SLC30A6: variants seen among roughly 807,000 people sequenced by gnomAD.
SLC30A6 encodes solute carrier family 30 member 6.
Under a neutral mutation model 63.0 loss-of-function variants are expected in SLC30A6, and 55 were observed. That is an observed-to-expected ratio of 0.87 (90% CI 0.70 to 1.09). SLC30A6 has a LOEUF of 1.09. Among genes scored for constraint, SLC30A6 ranks in the 50% least tolerant of loss-of-function variants. The pLI, the probability that SLC30A6 is intolerant of heterozygous loss-of-function variation, is 0.00. For synonymous variants in SLC30A6, 224 were observed against 186.1 expected (o/e 1.20, Z -1.66); for missense variants, 587 against 549.2 (o/e 1.07, Z -0.69).
intron 4 of SLC30A6, among the ~76,000 whole-genome samples, 188 bp downstream of exon 4, chr2:32,175,549 C>T (rs1422457494): frequency 3.3e-5 from 5 of 151,960 alleles, no homozygotes; most frequent in Non-Finnish European, 7.4e-5. Flanking sequence ...ATGAAATGTC[C>T]AAAACAGGCA....
Position 32,193,909 on chromosome 2 carries a change from C to T in SLC30A6, c.422C>T (p.Thr141Ile). The T allele has an allele frequency of 3.7e-6, 6 of 1,613,208 alleles. No individual in the cohort carries two copies. The highest frequency in any genetic ancestry group is 5.1e-6 in the Non-Finnish European group (6 of 1,179,528). Reference protein sequence around the residue: ...EIHTGRLLVGTFVALCFNLFT... With the variant: ...EIHTGRLLVGIFVALCFNLFT... The stretch of plus-strand genomic sequence containing the variant: ...TTTAGGGGAAGATTATTAGTTGGTA[C>T]TTTTGTGGCTCTTTGTTTCAACCTG... Residue 141 changes from threonine to isoleucine, a missense_variant, in exon 8 of 14, where the codon ACT becomes ATT. Thr to Ile is a moderately conservative substitution (Grantham distance 89). Transcript: ENST00000282587.
Position 32,174,548 on chromosome 2 carries a change from A to ATTTTTTT in SLC30A6, c.175+419_175+425dup, listed in dbSNP as rs11432136. Among the ~76,000 whole-genome samples the ATTTTTTT allele has an allele frequency of 7.7e-4, 71 of 92,302 alleles. 2 individuals are homozygous for ATTTTTTT. Among genetic ancestry groups the ATTTTTTT allele is most frequent in the African/African-American group, 1.2e-3 (27 of 21,876 alleles). The allele number at this position is 92,302 out of a possible 152,430, so 60.6% of individuals were successfully genotyped here. A position where few individuals can be genotyped will look rare whatever the true frequency, so the allele number is the denominator to read the frequency against. Reference sequence around the variant, plus strand: ...GAAAAATCATTAAATCTATCTGGAGATTTTTTTTTTTTTTTTTTTTTTTTG... The same window carrying ATTTTTTT: ...GAAAAATCATTAAATCTATCTGGAGATTTTTTTTTTTTTTTTTTTTTTTTTTTTTTTG... On this transcript the variant is annotated intron_variant, in intron 3 of 13. Coordinates refer to ENST00000282587, the MANE Select transcript of SLC30A6 (RefSeq NM_017964.5).
At chr2:32,218,053 C>A (rs747415098) in intron 13 of SLC30A6, among the ~76,000 whole-genome samples, 1 of 151,994 alleles carries the variant, frequency 6.6e-6, no homozygotes, top group African/African-American at 2.4e-5. Flanking sequence ...CCATGTTGCT[C>A]AGGCTGGGGG....
chr2:32,173,911 CA>C, intron 2 of SLC30A6, 151 bp from the exon 3 acceptor site: 3 of 515,836 alleles, frequency 5.8e-6, no homozygotes, highest in Non-Finnish European at 3.4e-6. Context: ...TAGCCGATGA[CA>C]ATTTTGGTAG....
intron 11 of SLC30A6, among the ~76,000 whole-genome samples, chr2:32,205,925 T>A (rs968023194): frequency 6.6e-6 from 1 of 151,872 alleles, no homozygotes; most frequent in African/African-American, 2.4e-5. Flanking sequence ...GCCTTGAACC[T>A]CCTAAAGTGC....
chr2:32,209,835 AT>A (rs1286615097), intron 13 of SLC30A6, among the ~76,000 whole-genome samples: 2 of 151,908 alleles, frequency 1.3e-5, no homozygotes, highest in African/African-American at 2.4e-5. Context: ...GAATGTTTTT[AT>A]TTTTTTTCCA....
At chr2:32,220,087 A>G (rs1367183686) in intron 13 of SLC30A6, 126 bp from the exon 14 acceptor site, 6 of 1,065,278 alleles carry the variant, frequency 5.6e-6, no homozygotes, top group East Asian at 2.6e-5. Context: ...AAATATTAAC[A>G]TTAAGCTTTT....
intron 1 of SLC30A6, among the ~76,000 whole-genome samples, chr2:32,170,448 C>G (rs571655933): frequency 2.0e-5 from 3 of 152,126 alleles, no homozygotes; most frequent in Non-Finnish European, 2.9e-5. Context: ...CTCTAGTTGC[C>G]ACTTGGTCTC....
intron 13 of SLC30A6, among the ~76,000 whole-genome samples, chr2:32,218,757 A>G (rs559013992): frequency 2.0e-5 from 3 of 152,252 alleles, no homozygotes; most frequent in East Asian, 1.9e-4. Flanking sequence ...TGATTTCGCC[A>G]TGTTGGCCAG....
intron 10 of SLC30A6, among the ~76,000 whole-genome samples, chr2:32,199,776 G>A (rs1362489429): frequency 6.6e-6 from 1 of 151,812 alleles, no homozygotes; most frequent in Non-Finnish European, 1.5e-5. Flanking sequence ...CACTCCCCAA[G>A]CCATTTCTAA....
intron 11 of SLC30A6, among the ~76,000 whole-genome samples, chr2:32,205,627 CTAT>C (rs575047906): frequency 2.5e-4 from 36 of 142,762 alleles, no homozygotes; most frequent in Non-Finnish European, 5.4e-4. Context: ...AAATTTAAAG[CTAT>C]TATTATTTTT....
chr2:32,192,940 C>A lies in SLC30A6; in HGVS notation c.388C>A (p.Pro130Thr). ...KESAERFLEQ[P>T]EIHTGRLLVG... ...TAGTGCAGAACGCTTTTTGGAACAG[C>A]CCGAGATACACACGTGAGATTTTAT... The change falls in exon 7 of 14, where the codon CCC (proline) becomes ACC (threonine). Residue 130 changes from proline to threonine, a missense_variant. Pro to Thr is a conservative substitution (Grantham distance 38). Transcript: ENST00000282587. 1.3e-6 allele frequency: 2 copies of A among 1,512,114 alleles called. No homozygotes were observed. Among genetic ancestry groups the A allele is most frequent in the Non-Finnish European group, 1.8e-6 (2 of 1,116,170 alleles). The allele number at this position is 1,512,114 out of a possible 1,614,324, so 93.7% of individuals were successfully genotyped here.
intron 3 of SLC30A6, 56 bp downstream of exon 3, chr2:32,174,203 T>A: frequency 2.3e-6 from 3 of 1,326,980 alleles, no homozygotes; most frequent in Non-Finnish European, 3.2e-6. Flanking sequence ...TTTTTCTCAT[T>A]GGAAATAAAG....
At chr2:32,190,665 G>T (rs1683246842) in intron 5 of SLC30A6, among the ~76,000 whole-genome samples, 1 of 151,946 alleles carries the variant, frequency 6.6e-6, no homozygotes, top group South Asian at 2.1e-4. Context: ...AGGAGTAAAG[G>T]CATATTCTGG....
At chr2:32,206,315 G>C (rs929755301) in intron 11 of SLC30A6, among the ~76,000 whole-genome samples, 13 of 151,960 alleles carry the variant, frequency 8.6e-5, no homozygotes, top group Non-Finnish European at 1.5e-4. Flanking sequence ...GCATGGTGGC[G>C]AGTGCCTGTA....
chr2:32,217,792 G>A (rs1318172454), intron 13 of SLC30A6, among the ~76,000 whole-genome samples: 2 of 150,806 alleles, frequency 1.3e-5, no homozygotes, highest in African/African-American at 4.9e-5. Flanking sequence ...TTGGTTAGAT[G>A]TATTTCTAGG....
At chr2:32,197,616 G>A (rs1245364683) in intron 9 of SLC30A6, 91 bp from the exon 10 acceptor site, 2 of 1,554,606 alleles carry the variant, frequency 1.3e-6, no homozygotes, top group Admixed American at 1.8e-5. Flanking sequence ...TACACTATGT[G>A]GTACCAAAAT....
chr2:32,179,426 A>G (rs981815967), intron 4 of SLC30A6, among the ~76,000 whole-genome samples: 1 of 152,186 alleles, frequency 6.6e-6, no homozygotes, highest in South Asian at 2.1e-4. Context: ...TGTATATATC[A>G]TAGAATTCTC....
At chr2:32,197,274 G>T in intron 8 of SLC30A6, 70 bp from the exon 9 acceptor site, 1 of 1,359,634 alleles carries the variant, frequency 7.4e-7, no homozygotes, top group South Asian at 1.4e-5. Flanking sequence ...TAAAATTAAA[G>T]AACTCAAATA....
Sources: allele counts gnomAD v4.1 joint callset (sites outside exome capture counted in the v4.1 genomes callset), GRCh38; gene constraint gnomAD v4.1.1; transcripts MANE v1.5; gene names NCBI Gene and HGNC (gene_info 2026-07-23, HGNC 2026-07-21).